The following RHPN2 variants were observed in gnomAD, a reference collection of about 807,000 sequenced individuals.
RHPN2 encodes the protein rhophilin-2.
A neutral mutation model predicts 79.0 loss-of-function variants in RHPN2; 40 were observed. The ratio of observed to expected loss-of-function variants is 0.51; its 90% CI spans 0.39 to 0.66. The LOEUF is 0.66. Among genes scored for constraint, RHPN2 ranks in the 30% least tolerant of loss-of-function variants. The probability of loss-of-function intolerance (pLI) is 0.00; values close to 1 mark genes in which losing one functional copy is unlikely to be tolerated. For synonymous variants in RHPN2, 285 were observed against 363.5 expected (o/e 0.78, Z 2.46); for missense variants, 686 against 883.5 (o/e 0.78, Z 2.83).
chr19:33,043,266 T>C (rs1972115053), intron 2 of RHPN2, among the ~76,000 whole-genome samples: 1 of 151,524 alleles, frequency 6.6e-6, no homozygotes, highest in African/African-American at 2.4e-5. Flanking sequence ...AAAGGTGGCA[T>C]GACGCCAGAC....
intron 3 of RHPN2, among the ~76,000 whole-genome samples, chr19:33,023,444 A>G (rs1232784589): frequency 2.7e-5 from 4 of 148,366 alleles, no homozygotes; most frequent in Non-Finnish European, 5.9e-5. Flanking sequence ...CAGGAAAAAA[A>G]AAAAAAAAGA....
At position 33,002,234 on chromosome 19, in the gene RHPN2, C is replaced by A. The variant is rs1420652407; in HGVS notation, c.1105+13G>T. On this transcript the variant is annotated intron_variant, in intron 9 of 14. Transcript: ENST00000254260. ...ACAGCCCTCGCCAAACTCCCGAACC[C>A]CCCAGGCCTTACCCTGGTGGTCGAT... 1.9e-6 allele frequency: 3 copies of A among 1,611,992 alleles called. No individual in the cohort carries two copies. The highest frequency in any genetic ancestry group is 1.7e-6 in the Non-Finnish European group (2 of 1,179,592).
chr19:33,048,324 G>A (rs1972158443), intron 1 of RHPN2, among the ~76,000 whole-genome samples: 1 of 151,766 alleles, frequency 6.6e-6, no homozygotes, highest in Admixed American at 6.6e-5. Context: ...CCAAAGTGCT[G>A]GGATTACAGG....
chr19:32,980,203 G>A lies in RHPN2; in HGVS notation c.1854C>T (p.Ile618=), dbSNP rs751968363. The change falls in exon 15 of 15, where the codon ATC becomes ATT. Residue 618 remains isoleucine (I), a synonymous_variant. Coordinates refer to ENST00000254260, the MANE Select transcript of RHPN2 (RefSeq NM_033103.5). ...SVGMQKTYSM[I]CLAIDDDDKT... Reference sequence around the variant, plus strand: ...TGTCGTCATCATCAATGGCTAAGCAGATCATGGAGTACGTTTTCTGCATTC... The same window carrying A: ...TGTCGTCATCATCAATGGCTAAGCAAATCATGGAGTACGTTTTCTGCATTC... 8 of 1,613,796 alleles carry A rather than the reference G, an allele frequency of 5.0e-6. No homozygotes were observed. The highest frequency in any genetic ancestry group is 1.3e-5 in the African/African-American group (1 of 74,922).
At chr19:32,993,346 G>C (rs1420313480) in intron 12 of RHPN2, among the ~76,000 whole-genome samples, 4 of 151,908 alleles carry the variant, frequency 2.6e-5, no homozygotes, top group Non-Finnish European at 5.9e-5. Context: ...TAGTGGCACA[G>C]GCCTGTAATC....
At chr19:33,056,105 T>TC (rs1972230420) in intron 1 of RHPN2, among the ~76,000 whole-genome samples, 2 of 150,630 alleles carry the variant, frequency 1.3e-5, no homozygotes, top group South Asian at 4.2e-4. Context: ...TTCTTTTTTT[T>TC]TTCTTTTTTC....
intron 2 of RHPN2, chr19:33,027,414 G>C (rs1971977688): frequency 6.6e-6 from 1 of 152,424 alleles, no homozygotes; most frequent in African/African-American, 2.4e-5. Context: ...AGGATTGCTT[G>C]AGTCCAGGAG....
intron 13 of RHPN2, 125 bp from the exon 14 acceptor site, chr19:32,990,794 C>T: frequency 9.6e-7 from 1 of 1,045,624 alleles, no homozygotes; most frequent in Admixed American, 2.0e-5. Context: ...CTTTGGGTGG[C>T]TGAGACGGGT....
At position 32,996,236 on chromosome 19, in the gene RHPN2, A is replaced by C; in HGVS notation, c.1226-16T>G. On this transcript the variant is annotated splice_polypyrimidine_tract_variant and intron_variant, in intron 10 of 14. Coordinates refer to ENST00000254260, the MANE Select transcript of RHPN2 (RefSeq NM_033103.5). Reference sequence around the variant, plus strand: ...TGGGACTTCCCTGCAGACGGAAGCCAGCACCCACGTGACTTGCAGATCCAC... The same window carrying C: ...TGGGACTTCCCTGCAGACGGAAGCCCGCACCCACGTGACTTGCAGATCCAC... 1 of 1,614,038 alleles carries C rather than the reference A, an allele frequency of 6.2e-7. No individual in the cohort carries two copies. The highest frequency in any genetic ancestry group is 8.5e-7 in the Non-Finnish European group (1 of 1,180,020).
At chr19:33,013,188 T>TA (rs1177180268) in intron 4 of RHPN2, among the ~76,000 whole-genome samples, 2 of 78,960 alleles carry the variant, frequency 2.5e-5, no homozygotes, top group Non-Finnish European at 4.7e-5. Flanking sequence ...AGTTTTTTTT[T>TA]AAAAAAACAA....
At chr19:32,989,237 G>A (rs1205833460) in intron 14 of RHPN2, among the ~76,000 whole-genome samples, 1 of 152,150 alleles carries the variant, frequency 6.6e-6, no homozygotes, top group Non-Finnish European at 1.5e-5. Context: ...AGCCTCCTGA[G>A]TAGCTGGGGT....
In RHPN2 at chr19:32,980,818, A is replaced by G. The variant is rs1171917736; in HGVS notation, c.1801-562T>C. Among the ~76,000 whole-genome samples the G allele has an allele frequency of 5.9e-5, 9 of 151,800 alleles. No individual in the cohort carries two copies. In the East Asian group the frequency reaches 1.6e-3, roughly 26 times the overall value. On this transcript the variant is annotated intron_variant, in intron 14 of 14. Coordinates refer to ENST00000254260, the MANE Select transcript of RHPN2 (RefSeq NM_033103.5). ...CTAGGTGTGCACCACCAGGTCCAAC[A>G]AGGATAATTTTTTGTTTGTTTTTTG...
intron 14 of RHPN2, among the ~76,000 whole-genome samples, chr19:32,987,512 C>G (rs1391346460): frequency 6.6e-6 from 1 of 152,198 alleles, no homozygotes; most frequent in Non-Finnish European, 1.5e-5. Context: ...CAACTGCATT[C>G]AATGCAACCC....
chr19:33,064,212 C>T (rs1357011948), intron 1 of RHPN2, among the ~76,000 whole-genome samples: 1 of 152,034 alleles, frequency 6.6e-6, no homozygotes, highest in African/African-American at 2.4e-5. Flanking sequence ...GGCGCGCCTG[C>T]AGTCCCAGTT....
At chr19:33,037,596 C>G (rs982731329) in intron 2 of RHPN2, among the ~76,000 whole-genome samples, 1 of 152,188 alleles carries the variant, frequency 6.6e-6, no homozygotes, top group African/African-American at 2.4e-5. Flanking sequence ...GACCACAAAC[C>G]CACCGGGAGG....
At chr19:33,036,025 G>C (rs927142636) in intron 2 of RHPN2, among the ~76,000 whole-genome samples, 1 of 151,406 alleles carries the variant, frequency 6.6e-6, no homozygotes, top group Non-Finnish European at 1.5e-5. Flanking sequence ...GCTGAGGCAG[G>C]AGAATGGCAT....
At chr19:33,064,043 G>A (rs1019231746) in intron 1 of RHPN2, among the ~76,000 whole-genome samples, 15 of 152,222 alleles carry the variant, frequency 9.9e-5, no homozygotes, top group Admixed American at 8.5e-4. Flanking sequence ...AAGCATTTTG[G>A]AGGCAAAAAG....
intron 1 of RHPN2, among the ~76,000 whole-genome samples, chr19:33,061,708 T>A (rs935133729): frequency 6.6e-6 from 1 of 152,094 alleles, no homozygotes; most frequent in African/African-American, 2.4e-5. Flanking sequence ...GGTCTCGAAC[T>A]CCTGATCTCA....
At chr19:33,033,255 A>C (rs1972027082) in intron 2 of RHPN2, among the ~76,000 whole-genome samples, 1 of 152,046 alleles carries the variant, frequency 6.6e-6, no homozygotes, top group African/African-American at 2.4e-5. Context: ...TTAGTACCAC[A>C]GTAGGTTCGA....
Sources: gnomAD v4.1 joint callset for allele counts (sites outside exome capture counted in the v4.1 genomes callset) on GRCh38, gnomAD v4.1.1 for gene constraint, MANE v1.5 for transcripts, NCBI Gene and HGNC (gene_info 2026-07-23, HGNC 2026-07-21) for gene names.